Variants in CXXC5 observed in about 807,000 individuals in gnomAD.
CXXC5 encodes the protein CXXC finger protein 5.
In CXXC5, 2 loss-of-function variants were observed where a neutral mutation model predicts 17.6. That is an observed-to-expected ratio of 0.11 (90% CI 0.05 to 0.36). The LOEUF is 0.36. CXXC5 is among the 10% of genes least tolerant of loss of function. CXXC5 has a pLI of 1.00. For missense variants in CXXC5, 343 were observed against 458.3 expected, an observed-to-expected ratio of 0.75 and a Z score of 2.30; for synonymous variants, 171 against 193.0, an observed-to-expected ratio of 0.89 and a Z score of 0.94.
intron 1 of CXXC5, among the ~76,000 whole-genome samples, chr5:139,674,544 C>T (rs1321656841): frequency 6.6e-6 from 1 of 152,200 alleles, no homozygotes; most frequent in Non-Finnish European, 1.5e-5. Flanking sequence ...AGAATGGCTG[C>T]AAGGCTGGTC....
intron 2 of CXXC5, among the ~76,000 whole-genome samples, chr5:139,682,324 A>G (rs3836892): frequency 7.2e-5 from 9 of 125,596 alleles, no homozygotes; most frequent in African/African-American, 1.0e-4. Flanking sequence ...CCCTCCCCCA[A>G]CCCCAGCCCC....
At chr5:139,664,967 T>C (rs1284899502) in intron 1 of CXXC5, among the ~76,000 whole-genome samples, 1 of 152,238 alleles carries the variant, frequency 6.6e-6, no homozygotes, top group African/African-American at 2.4e-5. Flanking sequence ...GGCACAGAAC[T>C]GATAGAGTGT....
chr5:139,658,156 C>A lies in CXXC5; in HGVS notation c.-161+9311C>A, dbSNP rs1755591989. On this transcript the variant is annotated intron_variant, in intron 1 of 2. Coordinates refer to ENST00000302517, the MANE Select transcript of CXXC5 (RefSeq NM_016463.9). This position sits in a 1 kb window ranked among gnomAD's most constrained non-coding sequence, Gnocchi z 4.1. ...CAGAACTAGATGGGAAATTAGTTAA[C>A]TGGGCTCATAGCAGTAGGCAGAAGT... 6.6e-6 allele frequency among the ~76,000 whole-genome samples: 1 copy of A among 152,046 alleles called. No homozygotes were observed. The highest frequency in any genetic ancestry group is 2.4e-5 in the African/African-American group (1 of 41,372).
In CXXC5 at chr5:139,680,348, T is replaced by A; in HGVS notation, c.-160-16T>A. On this transcript the variant is annotated splice_polypyrimidine_tract_variant and intron_variant, in intron 1 of 2. Coordinates refer to ENST00000302517, the MANE Select transcript of CXXC5 (RefSeq NM_016463.9). Reference sequence around the variant, plus strand: ...GGTGTTCACTGCTGCCCTGACCCTGTATCCTCTTGTGACAGAGTGAAGACA... The same window carrying A: ...GGTGTTCACTGCTGCCCTGACCCTGAATCCTCTTGTGACAGAGTGAAGACA... 1 of 887,690 alleles carries A rather than the reference T, an allele frequency of 1.1e-6. No homozygotes were observed. The highest frequency in any genetic ancestry group is 1.7e-6 in the Non-Finnish European group (1 of 600,552). 55.0% of individuals were successfully genotyped at this position (887,690 alleles called of 1,614,324 possible). A position where few individuals can be genotyped will look rare whatever the true frequency, so the allele number is the denominator to read the frequency against.
chr5:139,674,730 G>A (rs1756684996), intron 1 of CXXC5, among the ~76,000 whole-genome samples: 1 of 152,168 alleles, frequency 6.6e-6, no homozygotes, highest in African/African-American at 2.4e-5. Flanking sequence ...TAAAAATCCT[G>A]CCAGCCAGGC....
rs56384972 is a variant in CXXC5 at position 139,663,334 on chromosome 5, C to T, written c.-161+14489C>T. On this transcript the variant is annotated intron_variant, in intron 1 of 2. Transcript: ENST00000302517. The surrounding 1 kb of genome is among the most constrained non-coding windows in gnomAD (Gnocchi z 4.2). ...TTCCAGGTGGCAAATGGAGCCTTTG[C>T]AGGGTGGCGAGAGGCTTGGGATGTG... is the stretch of plus-strand genomic sequence containing the variant. 4.6e-5 allele frequency among the ~76,000 whole-genome samples: 7 copies of T among 152,264 alleles called. No homozygotes were observed. Among genetic ancestry groups the T allele is most frequent in the African/African-American group, 1.7e-4 (7 of 41,544 alleles).
At chr5:139,654,417 C>T (rs140470276) in intron 1 of CXXC5, among the ~76,000 whole-genome samples, 67 of 152,270 alleles carry the variant, frequency 4.4e-4, no homozygotes, top group Middle Eastern at 3.4e-3. Context: ...TGAAATTGGA[C>T]GGTAAGAGAA....
chr5:139,655,112 G>A (rs972951102), intron 1 of CXXC5, among the ~76,000 whole-genome samples: 1 of 152,126 alleles, frequency 6.6e-6, no homozygotes, highest in Non-Finnish European at 1.5e-5. Context: ...AGCTCTGGAA[G>A]GCCGGCTGTA....
chr5:139,674,132 G>T (rs1195615011), intron 1 of CXXC5, among the ~76,000 whole-genome samples: 1 of 152,174 alleles, frequency 6.6e-6, no homozygotes, highest in Non-Finnish European at 1.5e-5. Flanking sequence ...AGCTGGATGT[G>T]TGCCCTGTGC....
At chr5:139,660,716 A>G (rs1295042190) in intron 1 of CXXC5, among the ~76,000 whole-genome samples, 1 of 127,820 alleles carries the variant, frequency 7.8e-6, no homozygotes, top group Non-Finnish European at 1.6e-5. Flanking sequence ...GAATTGGTGA[A>G]CATGGGGGGG....
In CXXC5 at chr5:139,680,418, G is replaced by A; in HGVS notation, c.-106G>A. 1.4e-6 allele frequency: 2 copies of A among 1,436,300 alleles called. No homozygotes were observed. Among genetic ancestry groups the A allele is most frequent in the Non-Finnish European group, 1.8e-6 (2 of 1,092,740 alleles). 89.0% of individuals were successfully genotyped at this position (1,436,300 alleles called of 1,614,324 possible). On this transcript the variant is annotated 5_prime_UTR_variant, in exon 2 of 3. Coordinates refer to ENST00000302517, the MANE Select transcript of CXXC5 (RefSeq NM_016463.9). ...CCATGTGCCTGCCCTGAGCAGCGAG[G>A]CCCACCAGGCATCTCTGTTGTGGGC... is the stretch of plus-strand genomic sequence containing the variant.
At chr5:139,673,037 G>T (rs972836960) in intron 1 of CXXC5, among the ~76,000 whole-genome samples, 1 of 152,154 alleles carries the variant, frequency 6.6e-6, no homozygotes, top group African/African-American at 2.4e-5. Context: ...GAGGGGGTAC[G>T]TGGGCCTGAT....
At position 139,665,347 on chromosome 5, in the gene CXXC5, C is replaced by T. The variant is rs574960462; in HGVS notation, c.-160-15017C>T. ...AAGACCCGCTGTGGTTTAGGGGCAC[C>T]GGGGTGGGGGATGGGGGCACCGGGA... On this transcript the variant is annotated intron_variant, in intron 1 of 2. Coordinates refer to ENST00000302517, the MANE Select transcript of CXXC5 (RefSeq NM_016463.9). 9.2e-5 allele frequency among the ~76,000 whole-genome samples: 14 copies of T among 152,298 alleles called. No homozygotes were observed. In the East Asian group the frequency reaches 1.9e-3, roughly 21 times the overall value.
intron 1 of CXXC5, among the ~76,000 whole-genome samples, chr5:139,677,086 TGGCGGGGC>T (rs571557814): frequency 3.7e-4 from 56 of 152,108 alleles, no homozygotes; most frequent in Admixed American, 1.4e-3. Context: ...TGACCGCGGC[TGGCGGGGC>T]GGCGGGGCGC....
intron 1 of CXXC5, chr5:139,649,831 C>T (rs575725014): frequency 3.3e-5 from 5 of 152,306 alleles, no homozygotes; most frequent in Admixed American, 6.5e-5. Flanking sequence ...CCCGACCCCC[C>T]TCCCCTTCGC....
intron 1 of CXXC5, among the ~76,000 whole-genome samples, chr5:139,669,384 C>T (rs950944481): frequency 1.3e-5 from 2 of 152,228 alleles, no homozygotes; most frequent in South Asian, 2.1e-4. Flanking sequence ...GTGCCCAGCC[C>T]CGTGCCCATC....
intron 1 of CXXC5, among the ~76,000 whole-genome samples, chr5:139,650,613 C>T (rs1025940141): frequency 1.3e-5 from 2 of 152,156 alleles, no homozygotes; most frequent in Non-Finnish European, 2.9e-5. Flanking sequence ...CTCAGCTGCC[C>T]CAGGCCGCGG....
At chr5:139,650,566 G>A (rs1433428439) in intron 1 of CXXC5, among the ~76,000 whole-genome samples, 2 of 152,226 alleles carry the variant, frequency 1.3e-5, no homozygotes, top group South Asian at 4.1e-4. Context: ...GGTCGCTGCG[G>A]ACTTGTTTGG....
Position 139,668,198 on chromosome 5 carries a change from A to G in CXXC5, c.-160-12166A>G, listed in dbSNP as rs556236028. Among the ~76,000 whole-genome samples the G allele has an allele frequency of 6.6e-6, 1 of 152,162 alleles. No individual in the cohort carries two copies. The highest frequency in any genetic ancestry group is 1.9e-4 in the East Asian group (1 of 5,152). On this transcript the variant is annotated intron_variant, in intron 1 of 2. Coordinates refer to ENST00000302517, the MANE Select transcript of CXXC5 (RefSeq NM_016463.9). This position sits in a 1 kb window ranked among gnomAD's most constrained non-coding sequence, Gnocchi z 4.1. ...GCCATGAATCATTTATGAGGCAAAA[A>G]TGAAACCAATTAAGGACAAACTTTG...
Sources: allele counts gnomAD v4.1 joint callset (sites outside exome capture counted in the v4.1 genomes callset), GRCh38; gene constraint gnomAD v4.1.1; non-coding constraint Gnocchi (gnomAD v3.1); transcripts MANE v1.5; gene names NCBI Gene and HGNC (gene_info 2026-07-23, HGNC 2026-07-21).